KIF1B: variants seen among roughly 807,000 people sequenced by gnomAD.
The protein encoded by KIF1B is kinesin-like protein KIF1B.
KIF1B carries 76 observed loss-of-function variants against 241.9 expected under a neutral mutation model. The observed-to-expected ratio is 0.31, with a 90% CI of 0.26 to 0.38. KIF1B has a LOEUF of 0.38. KIF1B is among the 10% of genes least tolerant of loss of function. KIF1B has a pLI of 1.00. For synonymous variants in KIF1B, 750 were observed against 796.7 expected (o/e 0.94, Z 0.99); for missense variants, 1,622 against 2,271.4 (o/e 0.71, Z 5.81).
At chr1:10,272,136 A>G (rs1198967195) in intron 8 of KIF1B, 105 bp from the exon 9 acceptor site, 7 of 812,368 alleles carry the variant, frequency 8.6e-6, no homozygotes, top group African/African-American at 1.7e-5. Flanking sequence ...TAGAACTTGT[A>G]ATAAAGAAAT....
chr1:10,322,449 T>C (rs183405446), intron 24 of KIF1B, among the ~76,000 whole-genome samples: 69 of 152,348 alleles, frequency 4.5e-4, no homozygotes, highest in Non-Finnish European at 6.2e-4. Context: ...AAAGCACTTA[T>C]AGTGTCTGGC....
intron 15 of KIF1B, 37 bp from the exon 16 acceptor site, chr1:10,291,045 A>G (rs758650398): frequency 6.6e-7 from 1 of 1,515,274 alleles, no homozygotes. Flanking sequence ...AAATTATAAG[A>G]CTCTTTGCCT....
chr1:10,279,893 G>A (rs918214674), intron 14 of KIF1B, among the ~76,000 whole-genome samples: 1 of 151,706 alleles, frequency 6.6e-6, no homozygotes, highest in African/African-American at 2.4e-5. Context: ...TAGAGGTGAG[G>A]GGTCTCGCTG....
In KIF1B at chr1:10,291,069, C is replaced by T; in HGVS notation, c.1435-13C>T. ...GACTCTTTGCCTCTTTAACTGTGCG[C>T]TTCCTTCCTTAGGAATCAGAGAAGA... On this transcript the variant is annotated splice_polypyrimidine_tract_variant and intron_variant, in intron 15 of 48. Transcript: ENST00000676179. 1 of 1,609,232 alleles carries T rather than the reference C, an allele frequency of 6.2e-7. No homozygotes were observed.
At chr1:10,308,631 A>G (rs1002840777) in intron 22 of KIF1B, 2 of 1,011,306 alleles carry the variant, frequency 2.0e-6, no homozygotes, top group Admixed American at 5.9e-5. Context: ...GAAGAGGGAA[A>G]AGGAAAGCAA....
intron 22 of KIF1B, among the ~76,000 whole-genome samples, chr1:10,312,753 C>T (rs1651123349): frequency 6.6e-6 from 1 of 151,534 alleles, no homozygotes; most frequent in African/African-American, 2.5e-5. Flanking sequence ...CATTCTTCTC[C>T]CTGGTAGTCT....
intron 22 of KIF1B, among the ~76,000 whole-genome samples, chr1:10,318,634 G>T (rs1050748452): frequency 3.3e-5 from 5 of 152,076 alleles, no homozygotes; most frequent in Non-Finnish European, 5.9e-5. Flanking sequence ...CAGGAGAATC[G>T]CTTGAACCCG....
At chr1:10,271,707 A>G in intron 8 of KIF1B, 128 bp downstream of exon 8, 2 of 738,216 alleles carry the variant, frequency 2.7e-6, no homozygotes, top group Admixed American at 2.0e-5. Context: ...TTTGCACTAC[A>G]ATGGCAGTGT....
At chr1:10,370,646 TAATA>T (rs1387396465) in intron 44 of KIF1B, among the ~76,000 whole-genome samples, 22 of 148,324 alleles carry the variant, frequency 1.5e-4, no homozygotes, top group Non-Finnish European at 1.5e-5. Flanking sequence ...AGAAAGAAAA[TAATA>T]ATAATAATAA....
intron 2 of KIF1B, among the ~76,000 whole-genome samples, chr1:10,242,238 C>T (rs1461925449): frequency 2.0e-5 from 3 of 151,768 alleles, no homozygotes; most frequent in Non-Finnish European, 4.4e-5. Flanking sequence ...AGGAGAGCAC[C>T]GAGAAAGGGC....
At chr1:10,304,517 G>A in intron 22 of KIF1B, 3 of 1,613,608 alleles carry the variant, frequency 1.9e-6, no homozygotes, top group Admixed American at 3.3e-5. Context: ...CAGTTAGAGG[G>A]CAATGCAGCC....
chr1:10,329,127 A>G (rs1240106595), intron 27 of KIF1B, among the ~76,000 whole-genome samples: 1 of 152,220 alleles, frequency 6.6e-6, no homozygotes, highest in East Asian at 1.9e-4. Flanking sequence ...TTTTCACATA[A>G]AATACTTATG....
At chr1:10,302,830 G>T (rs527464246) in intron 22 of KIF1B, among the ~76,000 whole-genome samples, 2 of 152,242 alleles carry the variant, frequency 1.3e-5, no homozygotes, top group African/African-American at 4.8e-5. Context: ...AATTTTGTAT[G>T]ACCATAGGGT....
chr1:10,271,320 C>T (rs1056244423), intron 7 of KIF1B, among the ~76,000 whole-genome samples, 182 bp from the exon 8 acceptor site: 1 of 152,084 alleles, frequency 6.6e-6, no homozygotes, highest in South Asian at 2.1e-4. Context: ...TTGCACCTGC[C>T]GTGTGTACTG....
At chr1:10,348,480 C>T (rs1652668106) in intron 36 of KIF1B, among the ~76,000 whole-genome samples, 169 bp from the exon 37 acceptor site, 1 of 152,174 alleles carries the variant, frequency 6.6e-6, no homozygotes, top group African/African-American at 2.4e-5. Flanking sequence ...TCCTTAGTCC[C>T]TGACACATCT....
chr1:10,259,366 G>A (rs1331909474), intron 4 of KIF1B, among the ~76,000 whole-genome samples: 1 of 151,666 alleles, frequency 6.6e-6, no homozygotes, highest in Non-Finnish European at 1.5e-5. Context: ...CCATGCTGGA[G>A]TGCAGTGGTG....
chr1:10,282,944 C>T (rs567363608), intron 15 of KIF1B, among the ~76,000 whole-genome samples: 1 of 151,884 alleles, frequency 6.6e-6, no homozygotes, highest in Non-Finnish European at 1.5e-5. Context: ...CAGTGGCTCA[C>T]GCCTGTAATC....
In KIF1B at chr1:10,339,841, C is replaced by G; in HGVS notation, c.3495C>G (p.Ala1165=). The change falls in exon 32 of 49, where the codon GCC becomes GCG. Residue 1165 remains alanine (A), a synonymous_variant. Transcript: ENST00000676179. ...ACAATGGCAGAGGAAGTCCCCTGGC[C>G]TTTTATCATGTGCAGAATGTAAGTG... ...LKNNGRGSPL[A]FYHVQNIAVE... is the part of the protein sequence containing the mutation. The G allele has an allele frequency of 2.5e-6, 4 of 1,613,942 alleles. No homozygotes were observed. Among genetic ancestry groups the G allele is most frequent in the Non-Finnish European group, 3.4e-6 (4 of 1,179,872 alleles).
chr1:10,296,179 A>G (rs1650252895), intron 19 of KIF1B, among the ~76,000 whole-genome samples: 1 of 152,172 alleles, frequency 6.6e-6, no homozygotes, highest in African/African-American at 2.4e-5. Context: ...CAACAATTTA[A>G]TGGTTTTTTT....
Sources: allele counts gnomAD v4.1 joint callset (sites outside exome capture counted in the v4.1 genomes callset), GRCh38; gene constraint gnomAD v4.1.1; transcripts MANE v1.5; gene names NCBI Gene and HGNC (gene_info 2026-07-23, HGNC 2026-07-21).